Variants in UNC5D observed in about 807,000 individuals in gnomAD.
The protein encoded by UNC5D is unc-5 netrin receptor D, also known as netrin receptor UNC5D.
Under a neutral mutation model 105.4 loss-of-function variants are expected in UNC5D, and 39 were observed. That is an observed-to-expected ratio of 0.37 (90% CI 0.29 to 0.48). UNC5D has a LOEUF of 0.48. Among genes scored for constraint, UNC5D ranks in the 20% least tolerant of loss-of-function variants. UNC5D has a pLI of 0.98. For missense variants in UNC5D, 991 were observed against 1,202.4 expected, an observed-to-expected ratio of 0.82 and a Z score of 2.60; for synonymous variants, 452 against 450.4, an observed-to-expected ratio of 1.00 and a Z score of -0.04.
chr8:35,702,966 T>C (rs899806869), intron 7 of UNC5D, among the ~76,000 whole-genome samples: 1 of 152,134 alleles, frequency 6.6e-6, no homozygotes, highest in Non-Finnish European at 1.5e-5. Context: ...TGGTTGCTGG[T>C]CTGCACATTT....
intron 1 of UNC5D, among the ~76,000 whole-genome samples, chr8:35,363,695 C>A (rs1266813078): frequency 6.6e-6 from 1 of 151,956 alleles, no homozygotes; most frequent in East Asian, 1.9e-4. Context: ...CAGGTTTCTC[C>A]CCTATAAGCT....
At chr8:35,267,744 G>T (rs1344155252) in intron 1 of UNC5D, among the ~76,000 whole-genome samples, 1 of 152,136 alleles carries the variant, frequency 6.6e-6, no homozygotes, top group African/African-American at 2.4e-5. Flanking sequence ...GCCTGACCAT[G>T]AATATTTTTT....
intron 1 of UNC5D, among the ~76,000 whole-genome samples, chr8:35,366,831 CTT>C (rs1802149134): frequency 6.6e-6 from 1 of 152,074 alleles, no homozygotes; most frequent in African/African-American, 2.4e-5. Context: ...ATTACATATT[CTT>C]TGTCACATGG....
At chr8:35,728,095 A>AAAAAAAATATAT (rs34672872) in intron 10 of UNC5D, among the ~76,000 whole-genome samples, 1 of 110,362 alleles carries the variant, frequency 9.1e-6, no homozygotes, top group African/African-American at 5.5e-5. Flanking sequence ...AAAAAAAAAA[A>AAAAAAAATATAT]ATATATATAT....
chr8:35,493,299 A>AAT (rs1811332580), intron 1 of UNC5D, among the ~76,000 whole-genome samples: 1 of 151,174 alleles, frequency 6.6e-6, no homozygotes, highest in South Asian at 2.1e-4. Context: ...AAAAAAAAAA[A>AAT]AAAAACACAC....
chr8:35,751,009 C>G (rs1830257559), intron 13 of UNC5D, among the ~76,000 whole-genome samples, 200 bp downstream of exon 13: 1 of 152,150 alleles, frequency 6.6e-6, no homozygotes, highest in African/African-American at 2.4e-5. Flanking sequence ...AAGAGTTATT[C>G]ACGCAGAGCC....
intron 7 of UNC5D, among the ~76,000 whole-genome samples, chr8:35,689,158 A>ATG (rs2131365379): frequency 6.6e-6 from 1 of 152,346 alleles, no homozygotes; most frequent in African/African-American, 2.4e-5. Flanking sequence ...GGGAAAATCA[A>ATG]TGGATATCAG....
chr8:35,764,703 A>C (rs1467971534), intron 14 of UNC5D, among the ~76,000 whole-genome samples: 1 of 152,236 alleles, frequency 6.6e-6, no homozygotes, highest in East Asian at 1.9e-4. Context: ...CAATATCATT[A>C]AACGGACATG....
At chr8:35,413,119 T>G (rs1805282736) in intron 1 of UNC5D, among the ~76,000 whole-genome samples, 1 of 152,076 alleles carries the variant, frequency 6.6e-6, no homozygotes, top group Admixed American at 6.6e-5. Context: ...GTAACTGGTT[T>G]GTTTACTTCA....
chr8:35,267,446 G>C (rs901126078), intron 1 of UNC5D, among the ~76,000 whole-genome samples: 5 of 152,026 alleles, frequency 3.3e-5, no homozygotes, highest in Admixed American at 2.6e-4. Context: ...TGTTGTTGTT[G>C]TTATTGTTTT....
chr8:35,569,899 T>C (rs1040987561), intron 3 of UNC5D, among the ~76,000 whole-genome samples: 1 of 150,828 alleles, frequency 6.6e-6, no homozygotes, highest in African/African-American at 2.4e-5. Context: ...TTTCCTTTCC[T>C]GTTCTTCACT....
chr8:35,540,448 T>G (rs1456110063), intron 1 of UNC5D, among the ~76,000 whole-genome samples: 1 of 142,244 alleles, frequency 7.0e-6, no homozygotes, highest in Non-Finnish European at 1.5e-5. Flanking sequence ...CAGAGGGGTG[T>G]GTGTGTGTGT....
intron 1 of UNC5D, among the ~76,000 whole-genome samples, chr8:35,499,881 C>T (rs930722864): frequency 1.3e-5 from 2 of 152,194 alleles, no homozygotes; most frequent in Non-Finnish European, 2.9e-5. Context: ...ATTTCATTCT[C>T]TCATCCCCTA....
intron 1 of UNC5D, among the ~76,000 whole-genome samples, chr8:35,481,736 C>A (rs1270912112): frequency 1.3e-5 from 2 of 152,106 alleles, no homozygotes; most frequent in Non-Finnish European, 2.9e-5. Context: ...AAAAAGTTAC[C>A]TTGTTAGTAT....
intron 8 of UNC5D, among the ~76,000 whole-genome samples, chr8:35,712,441 A>C (rs1270777320): frequency 6.6e-6 from 1 of 152,236 alleles, no homozygotes; most frequent in Non-Finnish European, 1.5e-5. Flanking sequence ...TGATTTGAGA[A>C]AAGTAAGGAA....
chr8:35,241,998 G>A (rs1192761341), intron 1 of UNC5D, among the ~76,000 whole-genome samples: 1 of 152,050 alleles, frequency 6.6e-6, no homozygotes, highest in Non-Finnish European at 1.5e-5. Flanking sequence ...TTATAAATGA[G>A]GAGACTGAAA....
chr8:35,737,344 G>T (rs773924549), intron 11 of UNC5D, among the ~76,000 whole-genome samples: 2 of 145,732 alleles, frequency 1.4e-5, no homozygotes, highest in Non-Finnish European at 3.0e-5. Context: ...CAGAATTCTG[G>T]CTCAGAAACT....
intron 1 of UNC5D, among the ~76,000 whole-genome samples, chr8:35,385,745 G>A (rs1474709853): frequency 5.3e-5 from 8 of 152,108 alleles, no homozygotes; most frequent in South Asian, 2.1e-4. Context: ...GATTACAGGC[G>A]TGAACCCCCA....
intron 1 of UNC5D, among the ~76,000 whole-genome samples, chr8:35,250,478 C>G (rs530684444): frequency 3.6e-4 from 55 of 152,048 alleles, no homozygotes; most frequent in Non-Finnish European, 7.6e-4. Context: ...AGATAGTAAG[C>G]ATAGTACCCA....
Sources: gnomAD v4.1 joint callset for allele counts (sites outside exome capture counted in the v4.1 genomes callset) on GRCh38, gnomAD v4.1.1 for gene constraint, MANE v1.5 for transcripts, NCBI Gene and HGNC (gene_info 2026-07-23, HGNC 2026-07-21) for gene names.